The following ZHX1 variants were observed in gnomAD, a reference collection of about 807,000 sequenced individuals.
ZHX1 encodes the protein zinc fingers and homeoboxes 1.
In ZHX1, 20 loss-of-function variants were observed where a neutral mutation model predicts 61.8. The observed-to-expected ratio is 0.32, with a 90% CI of 0.23 to 0.47. The LOEUF (loss-of-function observed/expected upper bound fraction) is 0.47. Among genes scored for constraint, ZHX1 ranks in the 20% least tolerant of loss-of-function variants. The probability of loss-of-function intolerance (pLI) is 1.00; values close to 1 mark genes in which losing one functional copy is unlikely to be tolerated. For missense variants in ZHX1, 800 were observed against 1,034.8 expected (o/e 0.77, Z 3.11); for synonymous variants, 318 against 352.6 (o/e 0.90, Z 1.10).
Position 123,250,324 on chromosome 8 carries a change from A to G in ZHX1, c.*4-4T>C, listed in dbSNP as rs1047950321. The stretch of plus-strand genomic sequence containing the variant: ...TCTCCTTCAACGTTTTAGGCAGCTA[A>G]AAAAGAAAAACATCATAAAAAACTG... On this transcript the variant is annotated splice_region_variant and splice_polypyrimidine_tract_variant and intron_variant, in intron 3 of 3. Coordinates refer to ENST00000395571, the MANE Select transcript of ZHX1 (RefSeq NM_007222.5). 2.6e-5 allele frequency: 10 copies of G among 385,572 alleles called. No homozygotes were observed. The Admixed American group carries it at 3.2e-4, about 12-fold the overall frequency. The allele number at this position is 385,572 out of a possible 1,614,324, so 23.9% of individuals were successfully genotyped here.
chr8:123,261,743 T>G (rs541923329), intron 2 of ZHX1, among the ~76,000 whole-genome samples: 57 of 152,222 alleles, frequency 3.7e-4, no homozygotes, highest in Non-Finnish European at 7.9e-4. Flanking sequence ...GGTGCCTAAT[T>G]GATGCTATTT....
At chr8:123,269,613 C>G (rs562763638) in intron 1 of ZHX1, among the ~76,000 whole-genome samples, 1 of 152,322 alleles carries the variant, frequency 6.6e-6, no homozygotes, top group South Asian at 2.1e-4. Context: ...ATGCCACTTA[C>G]TAGCTGTGTG....
Position 123,253,670 on chromosome 8 carries a change from C to T in ZHX1, c.2277G>A (p.Arg759=), listed in dbSNP as rs752970528. Reference sequence around the variant, plus strand: ...TGTTAATTCTTTTGCTTCCTCTAGGCCGCCCACGCGGTCTTCCTCTTCCCC... The same window carrying T: ...TGTTAATTCTTTTGCTTCCTCTAGGTCGCCCACGCGGTCTTCCTCTTCCCC... ...KGRGRGRPRG[R]PRGSKRINNW... The change falls in exon 3 of 4, where the codon CGG becomes CGA. Residue 759 remains arginine (R), a synonymous_variant. Transcript: ENST00000395571. 14 of 1,614,074 alleles carry T rather than the reference C, an allele frequency of 8.7e-6. No individual in the cohort carries two copies. The highest frequency in any genetic ancestry group is 2.2e-5 in the East Asian group (1 of 44,898).
intron 2 of ZHX1, among the ~76,000 whole-genome samples, chr8:123,258,823 GC>G (rs1826157237): frequency 6.6e-6 from 1 of 152,096 alleles, no homozygotes; most frequent in South Asian, 2.1e-4. Flanking sequence ...AAAGTTTTAT[GC>G]TAAGTAAAGT....
At chr8:123,274,779 C>A (rs1826791393), upstream of ZHX1, among the ~76,000 whole-genome samples, 1 of 152,184 alleles carries the variant, frequency 6.6e-6, no homozygotes, top group African/African-American at 2.4e-5. Context: ...GAAGGCAGCC[C>A]CGCCTTCCTT....
chr8:123,260,246 C>G (rs755833613), intron 2 of ZHX1, among the ~76,000 whole-genome samples: 1 of 152,120 alleles, frequency 6.6e-6, no homozygotes, highest in Non-Finnish European at 1.5e-5. Context: ...CCAAATTCCA[C>G]GAATCTTACA....
chr8:123,251,536 C>T (rs1156360577), intron 3 of ZHX1, among the ~76,000 whole-genome samples: 5 of 152,108 alleles, frequency 3.3e-5, no homozygotes, highest in African/African-American at 1.2e-4. Context: ...GAAAAATTCA[C>T]ATTATTTTTG....
At chr8:123,258,463 C>CT (rs1334924397) in intron 2 of ZHX1, among the ~76,000 whole-genome samples, 1 of 152,160 alleles carries the variant, frequency 6.6e-6, no homozygotes, top group Non-Finnish European at 1.5e-5. Context: ...TGAGACACAG[C>CT]TTTTTTGAGA....
intron 2 of ZHX1, among the ~76,000 whole-genome samples, chr8:123,265,451 C>G (rs1826424972): frequency 6.6e-6 from 1 of 151,852 alleles, no homozygotes; most frequent in East Asian, 1.9e-4. Context: ...AGTTACAAAT[C>G]CACAAAAATC....
intron 3 of ZHX1, 117 bp downstream of exon 3, chr8:123,253,205 A>G: frequency 1.2e-6 from 1 of 825,206 alleles, no homozygotes; most frequent in African/African-American, 1.7e-5. Flanking sequence ...TTATTAGGGA[A>G]AAGAAAAACT....
rs193086617 is a variant in ZHX1 at position 123,259,761 on chromosome 8, G to A, written c.-225-3590C>T. 4.4e-4 allele frequency among the ~76,000 whole-genome samples: 67 copies of A among 152,304 alleles called. No individual in the cohort carries two copies. In the East Asian group the frequency reaches 0.012, roughly 28 times the overall value. On this transcript the variant is annotated intron_variant, in intron 2 of 3. Coordinates refer to ENST00000395571, the MANE Select transcript of ZHX1 (RefSeq NM_007222.5). ...TTGGAAGGCAAGAGGGTTTCTTTCT[G>A]AAACTTTTTCCTCAAAGTGGTGGTT...
In ZHX1 at chr8:123,254,121, C is replaced by T. The variant is rs1157533362; in HGVS notation, c.1826G>A (p.Arg609Lys). The stretch of plus-strand genomic sequence containing the variant: ...TGTAAACCAAGCATCGATTTCTCTT[C>T]TGGTAAGTTTGGTTTGTGCCCTTAA... Reference protein sequence around the residue: ...NRLRAQTKLTRREIDAWFTEK... With the variant: ...NRLRAQTKLTKREIDAWFTEK... The change falls in exon 3 of 4, where the codon AGA (arginine) becomes AAA (lysine). Residue 609 changes from arginine to lysine, a missense_variant. Coordinates refer to ENST00000395571, the MANE Select transcript of ZHX1 (RefSeq NM_007222.5). The surrounding 1 kb of genome is among the most constrained non-coding windows in gnomAD (Gnocchi z 4.1). The T allele has an allele frequency of 4.3e-6, 7 of 1,614,154 alleles. No individual in the cohort carries two copies. Among genetic ancestry groups the T allele is most frequent in the Non-Finnish European group, 5.9e-6 (7 of 1,180,022 alleles).
At chr8:123,263,154 A>G (rs1343181312) in intron 2 of ZHX1, among the ~76,000 whole-genome samples, 1 of 151,772 alleles carries the variant, frequency 6.6e-6, no homozygotes, top group African/African-American at 2.4e-5. Flanking sequence ...GCATTCAGGT[A>G]TAGTTTTTGG....
Position 123,253,345 on chromosome 8 carries a change from G to A in ZHX1, c.2602C>T (p.Leu868=). ...WEPPRHVKRK[L]SKSDD Reference sequence around the variant, plus strand: ...ACATTTCAGTCATCTGATTTAGACAGCTTCCGTTTCACATGTCGTGGAGGT... The same window carrying A: ...ACATTTCAGTCATCTGATTTAGACAACTTCCGTTTCACATGTCGTGGAGGT... The change falls in exon 3 of 4, where the codon CTG becomes TTG. Residue 868 remains leucine, a synonymous_variant. Transcript: ENST00000395571. 6.2e-7 allele frequency: 1 copy of A among 1,609,896 alleles called. No homozygotes were observed. Among genetic ancestry groups the A allele is most frequent in the Non-Finnish European group, 8.5e-7 (1 of 1,179,122 alleles).
intron 2 of ZHX1, among the ~76,000 whole-genome samples, chr8:123,256,809 T>G (rs538584371): frequency 6.6e-6 from 1 of 152,150 alleles, no homozygotes; most frequent in Non-Finnish European, 1.5e-5. Flanking sequence ...GTTCATTAGT[T>G]ATGTCCTCTT....
chr8:123,251,114 A>T (rs780894858), intron 3 of ZHX1, among the ~76,000 whole-genome samples: 1 of 152,114 alleles, frequency 6.6e-6, no homozygotes, highest in South Asian at 2.1e-4. Flanking sequence ...GGCTGTTCTC[A>T]TGATAGTGAG....
At position 123,254,235 on chromosome 8, in the gene ZHX1, T is replaced by C; in HGVS notation, c.1712A>G (p.Lys571Arg). 1 of 1,614,152 alleles carries C rather than the reference T, an allele frequency of 6.2e-7. No individual in the cohort carries two copies. The part of the protein sequence containing the change: ...WNPFPDFTPQ[K>R]FKEKTAEQLR... ...CTGCTCTGCAGTTTTCTCTTTAAACTTTTGGGGAGTAAAGTCAGGAAAAGG... is the reference window on the plus strand; with the variant it reads ...CTGCTCTGCAGTTTTCTCTTTAAACCTTTGGGGAGTAAAGTCAGGAAAAGG... Residue 571 changes from lysine to arginine, a missense_variant, in exon 3 of 4, where the codon AAG becomes AGG. Lys to Arg is a conservative substitution (Grantham distance 26, BLOSUM62 2). Coordinates refer to ENST00000395571, the MANE Select transcript of ZHX1 (RefSeq NM_007222.5). The surrounding 1 kb of genome is among the most constrained non-coding windows in gnomAD (Gnocchi z 4.1).
At chr8:123,275,535 A>ATT (rs111576456), upstream of ZHX1, 3,107 of 143,640 alleles carry the variant, frequency 0.022, 123 homozygotes, top group African/African-American at 0.075. Flanking sequence ...TGGAAGTCTG[A>ATT]TTTTTTTTTT....
chr8:123,267,723 C>T (rs907307529), intron 1 of ZHX1, among the ~76,000 whole-genome samples: 3 of 152,114 alleles, frequency 2.0e-5, no homozygotes, highest in South Asian at 2.1e-4. Flanking sequence ...GTATACCGGC[C>T]GGGCGCGGTG....
Sources: allele counts gnomAD v4.1 joint callset (sites outside exome capture counted in the v4.1 genomes callset), GRCh38; gene constraint gnomAD v4.1.1; non-coding constraint Gnocchi (gnomAD v3.1); transcripts MANE v1.5; gene names NCBI Gene and HGNC (gene_info 2026-07-23, HGNC 2026-07-21).